The following CSNK2A1 variants were observed in gnomAD, a reference collection of about 807,000 sequenced individuals.
The protein encoded by CSNK2A1 is casein kinase 2 alpha 1.
Under a neutral mutation model 62.9 loss-of-function variants are expected in CSNK2A1, and 10 were observed. The ratio of observed to expected loss-of-function variants is 0.16; its 90% CI spans 0.10 to 0.27. CSNK2A1 has a LOEUF of 0.27. Ranked by LOEUF, CSNK2A1 falls within the 10% of genes least tolerant of loss-of-function variation. The pLI is 1.00. For missense variants in CSNK2A1, 160 were observed against 492.0 expected, an observed-to-expected ratio of 0.33 and a Z score of 6.38; for synonymous variants, 124 against 167.8, an observed-to-expected ratio of 0.74 and a Z score of 2.02.
rs552310853 is a variant in CSNK2A1, at chr20:517,830, G to A, written c.-109-9170C>T. Among the ~76,000 whole-genome samples, 233 of 152,254 alleles carry A rather than the reference G, an allele frequency of 1.5e-3. 1 individual carries two copies. The highest frequency in any genetic ancestry group is 5.1e-3 in the African/African-American group (210 of 41,540). Reference sequence around the variant, plus strand: ...CATCAGGTGTAAAAAAGCACCTGATGTGCTTTTTTTGCACATCAGGTCAGC... The same window carrying A: ...CATCAGGTGTAAAAAAGCACCTGATATGCTTTTTTTGCACATCAGGTCAGC... On this transcript the variant is annotated intron_variant, in intron 2 of 13. Transcript: ENST00000217244.
chr20:484,203 T>C, intron 13 of CSNK2A1, 127 bp from the exon 14 acceptor site: 8 of 725,378 alleles, frequency 1.1e-5, no homozygotes, highest in Non-Finnish European at 1.7e-5. Flanking sequence ...GCTGGATTTT[T>C]ACATATACTT....
At chr20:486,343 AT>A (rs755407793) in intron 13 of CSNK2A1, 32 bp downstream of exon 13, 2 of 1,612,226 alleles carry the variant, frequency 1.2e-6, no homozygotes, top group Non-Finnish European at 1.7e-6. Flanking sequence ...TGACTTCCAC[AT>A]TTTTTTAAAG....
chr20:489,708 G>GA, intron 10 of CSNK2A1, 72 bp downstream of exon 10: 1 of 1,280,292 alleles, frequency 7.8e-7, no homozygotes, highest in South Asian at 1.6e-5. Context: ...ACAGTGAACT[G>GA]AAAGTTACAG....
chr20:537,243 C>T (rs6052740), intron 1 of CSNK2A1, among the ~76,000 whole-genome samples: 10,339 of 152,150 alleles, frequency 0.068, 1,093 homozygotes, highest in African/African-American at 0.23. Flanking sequence ...CTAACTTGTA[C>T]CTTGGTATTT....
rs2017776924 is a variant in CSNK2A1, at chr20:472,728, G to A, written c.*11233C>T. 6.6e-6 allele frequency: 1 copy of A among 152,220 alleles called. No homozygotes were observed. Among genetic ancestry groups the A allele is most frequent in the Non-Finnish European group, 1.5e-5 (1 of 68,042 alleles). 9.4% of individuals were successfully genotyped at this position (152,220 alleles called of 1,614,324 possible). A position where few individuals can be genotyped will look rare whatever the true frequency, so the allele number is the denominator to read the frequency against. ...ACACAGGAATAAACAAATTTATCTA[G>A]GTAAGTTCCTATACAACTCCCCTGT... On this transcript the variant is annotated 3_prime_UTR_variant, in exon 14 of 14. Coordinates refer to ENST00000217244, the MANE Select transcript of CSNK2A1 (RefSeq NM_177559.3).
rs1169652821 is a variant in CSNK2A1 at position 481,540 on chromosome 20, T to C, written c.*2421A>G. 1 of 132,470 alleles carries C rather than the reference T, an allele frequency of 7.5e-6. No homozygotes were observed. The highest frequency in any genetic ancestry group is 2.3e-4 in the East Asian group (1 of 4,276). 8.2% of individuals were successfully genotyped at this position (132,470 alleles called of 1,614,324 possible). ...TTTTTTTTCTCTCTCTCCATGCTTC[T>C]GCAGTGACTCTTAAGTAGCATTTTT... On this transcript the variant is annotated 3_prime_UTR_variant, in exon 14 of 14. Transcript: ENST00000217244.
At chr20:491,545 C>A (rs2018235447) in intron 9 of CSNK2A1, among the ~76,000 whole-genome samples, 1 of 152,076 alleles carries the variant, frequency 6.6e-6, no homozygotes, top group Non-Finnish European at 1.5e-5. Context: ...GTAGTGCACG[C>A]CTGTAGTCCC....
At position 477,979 on chromosome 20, in the gene CSNK2A1, A is replaced by G. The variant is rs912794551; in HGVS notation, c.*5982T>C. The G allele has an allele frequency of 3.9e-5, 6 of 151,978 alleles. No homozygotes were observed. Among genetic ancestry groups the G allele is most frequent in the African/African-American group, 9.7e-5 (4 of 41,366 alleles). The allele number at this position is 151,978 out of a possible 1,614,324, so 9.4% of individuals were successfully genotyped here. ...TCCTTTTTGCCACCTTGGGATTTCC[A>G]TTTCTTTCTCTGAAATAGGCATTTG... On this transcript the variant is annotated 3_prime_UTR_variant, in exon 14 of 14. Coordinates refer to ENST00000217244, the MANE Select transcript of CSNK2A1 (RefSeq NM_177559.3).
chr20:486,680 C>T, intron 12 of CSNK2A1: 4 of 509,696 alleles, frequency 7.8e-6, no homozygotes, highest in Non-Finnish European at 1.0e-5. Context: ...GCTAACCTTT[C>T]AATCAAATGG....
intron 2 of CSNK2A1, among the ~76,000 whole-genome samples, chr20:515,101 A>G (rs2018800639): frequency 1.3e-5 from 2 of 152,178 alleles, no homozygotes; most frequent in South Asian, 4.1e-4. Flanking sequence ...TGAGTGTGGG[A>G]CAGGACTTAG....
chr20:521,331 G>A (rs1246541232), intron 2 of CSNK2A1, among the ~76,000 whole-genome samples: 1 of 151,912 alleles, frequency 6.6e-6, no homozygotes. Flanking sequence ...CAGACAGCAG[G>A]GAAAATGAAA....
intron 1 of CSNK2A1, among the ~76,000 whole-genome samples, chr20:534,903 G>A (rs1424128148): frequency 1.3e-5 from 2 of 150,938 alleles, no homozygotes; most frequent in African/African-American, 4.9e-5. Context: ...GCGTGGCAGC[G>A]TGCGCCTGTA....
rs116420375 is a variant in CSNK2A1 at position 536,784 on chromosome 20, G to A, written c.-227+6888C>T. ...TATGATATGCCTGTTATCAGAAAAC[G>A]TCACTCAATTTTGAGCTTGGAGGGC... is the stretch of plus-strand genomic sequence containing the variant. On this transcript the variant is annotated intron_variant, in intron 1 of 13. Transcript: ENST00000217244. Among the ~76,000 whole-genome samples, 1,084 of 152,206 alleles carry A rather than the reference G, an allele frequency of 7.1e-3. 14 individuals are homozygous for A. The highest frequency in any genetic ancestry group is 0.025 in the African/African-American group (1,021 of 41,516).
At chr20:503,551 C>G (rs1359847327) in intron 4 of CSNK2A1, 1 of 398,536 alleles carries the variant, frequency 2.5e-6, no homozygotes, top group African/African-American at 2.1e-5. Context: ...CTGCCAGACA[C>G]TGGGTGCACT....
Position 509,760 on chromosome 20 carries a change from A to G in CSNK2A1, c.-109-1100T>C, listed in dbSNP as rs372830509. Among the ~76,000 whole-genome samples the G allele has an allele frequency of 2.0e-5, 3 of 152,238 alleles. No homozygotes were observed. In the East Asian group the frequency reaches 5.8e-4, roughly 29 times the overall value. ...TCAGCTAATTTTCTGTATTTTCAGT[A>G]GAGACGGTGTTTCACCATGTTGCCC... On this transcript the variant is annotated intron_variant, in intron 2 of 13. Transcript: ENST00000217244.
Position 482,795 on chromosome 20 carries a change from T to TG in CSNK2A1, c.*1165dup, listed in dbSNP as rs1391606004. 6.6e-6 allele frequency: 1 copy of TG among 152,520 alleles called. No individual in the cohort carries two copies. The highest frequency in any genetic ancestry group is 1.5e-5 in the Non-Finnish European group (1 of 68,036). 9.4% of individuals were successfully genotyped at this position (152,520 alleles called of 1,614,324 possible). On this transcript the variant is annotated 3_prime_UTR_variant, in exon 14 of 14. Transcript: ENST00000217244. ...TTATATATATACACACAGCAAGGGGTGGCGGGGCTGTAACAAGAGAGTTTA... is the reference window on the plus strand; with the variant it reads ...TTATATATATACACACAGCAAGGGGTGGGCGGGGCTGTAACAAGAGAGTTTA...
intron 11 of CSNK2A1, chr20:487,825 C>T (rs2018131170): frequency 7.4e-6 from 4 of 536,914 alleles, no homozygotes; most frequent in South Asian, 4.6e-5. Flanking sequence ...ATTCAGGTTA[C>T]TTGACAGGAC....
chr20:493,836 T>G (rs1392328259), intron 8 of CSNK2A1, among the ~76,000 whole-genome samples: 1 of 152,182 alleles, frequency 6.6e-6, no homozygotes, highest in Admixed American at 6.5e-5. Flanking sequence ...GCTACAAAAA[T>G]GGAGTCATTG....
chr20:539,678 A>C (rs1429349192), intron 1 of CSNK2A1: 1 of 152,240 alleles, frequency 6.6e-6, no homozygotes, highest in Non-Finnish European at 1.5e-5. Flanking sequence ...TGCTTACCGC[A>C]GTCTGCCTTC....
Sources: gnomAD v4.1 joint callset for allele counts (sites outside exome capture counted in the v4.1 genomes callset) on GRCh38, gnomAD v4.1.1 for gene constraint, MANE v1.5 for transcripts, NCBI Gene and HGNC (gene_info 2026-07-23, HGNC 2026-07-21) for gene names.